The following PCDH9 variants were observed in gnomAD, a reference collection of about 807,000 sequenced individuals.
PCDH9 encodes the protein protocadherin-9.
Under a neutral mutation model 70.6 loss-of-function variants are expected in PCDH9, and 24 were observed. The ratio of observed to expected loss-of-function variants is 0.34; its 90% CI spans 0.25 to 0.48. PCDH9 has a LOEUF of 0.48. Among genes scored for constraint, PCDH9 ranks in the 20% least tolerant of loss-of-function variants. PCDH9 has a pLI of 0.99. For synonymous variants in PCDH9, 562 were observed against 558.5 expected (o/e 1.01, Z -0.09); for missense variants, 1,281 against 1,503.6 (o/e 0.85, Z 2.45).
chr13:66,632,363 C>T (rs1016759659), intron 3 of PCDH9, among the ~76,000 whole-genome samples: 3 of 152,134 alleles, frequency 2.0e-5, no homozygotes, highest in African/African-American at 7.2e-5. Flanking sequence ...TATTGATATA[C>T]ATAAAAAGAA....
At position 66,795,396 on chromosome 13, in the gene PCDH9, C is replaced by T. The variant is rs191190440; in HGVS notation, c.3138+108108G>A. ...TATAAATATAAGATAAATTGATTAACAAATACTTGTTGCTAACACCTTTAT... is the reference window on the plus strand; with the variant it reads ...TATAAATATAAGATAAATTGATTAATAAATACTTGTTGCTAACACCTTTAT... On this transcript the variant is annotated intron_variant, in intron 3 of 4. Transcript: ENST00000377865. Among the ~76,000 whole-genome samples, 20 of 152,258 alleles carry T rather than the reference C, an allele frequency of 1.3e-4. No homozygotes were observed. The East Asian group carries it at 3.7e-3, about 28-fold the overall frequency.
At chr13:66,770,838 G>A (rs189821693) in intron 3 of PCDH9, among the ~76,000 whole-genome samples, 73 of 152,198 alleles carry the variant, frequency 4.8e-4, no homozygotes, top group Admixed American at 2.0e-4. Context: ...ACACTGAAGC[G>A]AGAGAAGCAT....
chr13:66,631,439 AT>A, intron 3 of PCDH9, 28 bp from the exon 4 acceptor site: 1 of 1,294,346 alleles, frequency 7.7e-7, no homozygotes, highest in South Asian at 1.2e-5. Flanking sequence ...GGACATGCTG[AT>A]TAACACTCCT....
At chr13:66,545,454 A>G (rs117747173) in intron 4 of PCDH9, among the ~76,000 whole-genome samples, 143 of 152,330 alleles carry the variant, frequency 9.4e-4, no homozygotes, top group Non-Finnish European at 1.8e-3. Context: ...TTGCTTCCAT[A>G]TCTGATAAAA....
chr13:67,150,759 G>A (rs895792218), intron 2 of PCDH9, among the ~76,000 whole-genome samples: 19 of 152,158 alleles, frequency 1.2e-4, no homozygotes, highest in Admixed American at 3.3e-4. Flanking sequence ...ACTTGTACTC[G>A]CCCTTTGTAA....
intron 3 of PCDH9, among the ~76,000 whole-genome samples, chr13:66,740,060 C>T (rs1406854016): frequency 2.7e-5 from 4 of 150,336 alleles, no homozygotes; most frequent in South Asian, 2.1e-4. Context: ...CCACACCACA[C>T]CTATTCCAAA....
chr13:66,824,627 C>G (rs1424906401), intron 3 of PCDH9, among the ~76,000 whole-genome samples: 1 of 124,664 alleles, frequency 8.0e-6, no homozygotes, highest in Non-Finnish European at 1.7e-5. Flanking sequence ...TGCACTCCAA[C>G]CTGGGCAACA....
chr13:66,897,829 A>T (rs563520347), intron 3 of PCDH9, among the ~76,000 whole-genome samples: 94 of 152,224 alleles, frequency 6.2e-4, no homozygotes, highest in African/African-American at 2.2e-3. Flanking sequence ...ACAGATCTAT[A>T]TTAAGTGCAA....
intron 2 of PCDH9, among the ~76,000 whole-genome samples, chr13:66,987,878 A>C (rs982288492): frequency 2.5e-4 from 38 of 151,934 alleles, no homozygotes; most frequent in African/African-American, 8.9e-4. Flanking sequence ...TTTAAGTGGA[A>C]ATTTTAATAA....
intron 2 of PCDH9, among the ~76,000 whole-genome samples, chr13:66,981,586 A>T (rs2083771717): frequency 6.6e-6 from 1 of 152,028 alleles, no homozygotes; most frequent in African/African-American, 2.4e-5. Context: ...ATTACATCTT[A>T]TTAGATCCTA....
chr13:66,690,435 T>C (rs757294053), intron 3 of PCDH9, among the ~76,000 whole-genome samples: 21 of 152,164 alleles, frequency 1.4e-4, no homozygotes, highest in Admixed American at 1.2e-3. Flanking sequence ...ATGTAACCTA[T>C]ACAAAAGGTT....
intron 4 of PCDH9, among the ~76,000 whole-genome samples, chr13:66,511,275 A>C (rs530888384): frequency 6.6e-5 from 10 of 152,280 alleles, no homozygotes; most frequent in African/African-American, 2.4e-4. Flanking sequence ...AAATAAATTT[A>C]ATTTATTGAA....
chr13:66,614,556 AT>A (rs2077332980), intron 4 of PCDH9, among the ~76,000 whole-genome samples: 1 of 152,172 alleles, frequency 6.6e-6, no homozygotes, highest in African/African-American at 2.4e-5. Context: ...ACACTCGAAC[AT>A]TTAACAGCCT....
chr13:66,441,863 A>T (rs1957980538), intron 4 of PCDH9, among the ~76,000 whole-genome samples: 1 of 152,138 alleles, frequency 6.6e-6, no homozygotes, highest in Admixed American at 6.6e-5. Context: ...CTTCACTAGT[A>T]TACAGTTTCT....
intron 2 of PCDH9, among the ~76,000 whole-genome samples, chr13:67,022,320 C>T (rs185010570): frequency 2.0e-5 from 3 of 151,568 alleles, no homozygotes; most frequent in African/African-American, 7.3e-5. Context: ...GGGGTTTCTC[C>T]GTGTTGGTCA....
At chr13:67,197,235 A>C (rs2089089361) in intron 2 of PCDH9, among the ~76,000 whole-genome samples, 1 of 151,990 alleles carries the variant, frequency 6.6e-6, no homozygotes, top group African/African-American at 2.4e-5. Context: ...TTCAATAAAA[A>C]GCATTTCATC....
intron 4 of PCDH9, among the ~76,000 whole-genome samples, chr13:66,592,195 A>T (rs2077046997): frequency 6.6e-6 from 1 of 151,738 alleles, no homozygotes; most frequent in Non-Finnish European, 1.5e-5. Flanking sequence ...CAATCAACCA[A>T]GCAGTGCTTT....
At chr13:67,108,144 G>A (rs1375694390) in intron 2 of PCDH9, among the ~76,000 whole-genome samples, 1 of 152,212 alleles carries the variant, frequency 6.6e-6, no homozygotes, top group Non-Finnish European at 1.5e-5. Flanking sequence ...CTTGGCAGCT[G>A]TGGAATCTGG....
intron 4 of PCDH9, among the ~76,000 whole-genome samples, chr13:66,468,317 A>G (rs770264542): frequency 1.3e-5 from 2 of 152,092 alleles, no homozygotes; most frequent in Admixed American, 6.6e-5. Context: ...TATTCTCACT[A>G]TCTTTCCTGT....
Sources: allele counts gnomAD v4.1 joint callset (sites outside exome capture counted in the v4.1 genomes callset), GRCh38; gene constraint gnomAD v4.1.1; transcripts MANE v1.5; gene names NCBI Gene and HGNC (gene_info 2026-07-23, HGNC 2026-07-21).